Variants in STAT5B observed in about 807,000 individuals in gnomAD.
The protein encoded by STAT5B is transcription factor STAT5B.
A neutral mutation model predicts 107.8 loss-of-function variants in STAT5B; 21 were observed. That is an observed-to-expected ratio of 0.19 (90% CI 0.14 to 0.28). The LOEUF is 0.28. Among genes scored for constraint, STAT5B ranks in the 10% least tolerant of loss-of-function variants. The pLI, the probability that STAT5B is intolerant of heterozygous loss-of-function variation, is 1.00. For synonymous variants in STAT5B, 325 were observed against 401.7 expected, an observed-to-expected ratio of 0.81 and a Z score of 2.28; for missense variants, 565 against 1,008.2, an observed-to-expected ratio of 0.56 and a Z score of 5.95.
At position 42,241,631 on chromosome 17, in the gene STAT5B, C is replaced by T. The variant is rs1247290367; in HGVS notation, c.-10-9494G>A. The stretch of plus-strand genomic sequence containing the variant: ...CTAATTTTTGGATTTTTAGTAGAGG[C>T]AGGGTTTTACCATGTTGGCCAGGCT... On this transcript the variant is annotated intron_variant, in intron 1 of 18. Coordinates refer to ENST00000293328, the MANE Select transcript of STAT5B (RefSeq NM_012448.4). 2.6e-5 allele frequency among the ~76,000 whole-genome samples: 4 copies of T among 151,884 alleles called. No homozygotes were observed. In the East Asian group the frequency reaches 7.8e-4, roughly 30 times the overall value.
At chr17:42,248,275 A>AT (rs983923623) in intron 1 of STAT5B, among the ~76,000 whole-genome samples, 1 of 138,666 alleles carries the variant, frequency 7.2e-6, no homozygotes, top group African/African-American at 3.0e-5. Flanking sequence ...ATCTTGTCCA[A>AT]AAAAAAAAAA....
At chr17:42,202,854 A>G in intron 16 of STAT5B, 46 bp from the exon 17 acceptor site, 1 of 1,611,080 alleles carries the variant, frequency 6.2e-7, no homozygotes, top group Non-Finnish European at 8.5e-7. Flanking sequence ...AAGTGAAACA[A>G]AAATGTGATC....
intron 1 of STAT5B, among the ~76,000 whole-genome samples, chr17:42,267,484 T>C (rs539443288): frequency 4.2e-4 from 64 of 152,316 alleles, no homozygotes; most frequent in African/African-American, 1.5e-3. Flanking sequence ...TGCCTTCACT[T>C]TTAAGAAAAA....
rs2080132670 is a variant in STAT5B, at chr17:42,211,904, G to T, written c.1680+80C>A. Reference sequence around the variant, plus strand: ...ATTTTATTAGAGACATGAAGAATAAGGGCCCAGGGCAGGGAGACTCCTGAG... The same window carrying T: ...ATTTTATTAGAGACATGAAGAATAATGGCCCAGGGCAGGGAGACTCCTGAG... On this transcript the variant is annotated intron_variant, in intron 13 of 18. Transcript: ENST00000293328. 4 of 1,545,242 alleles carry T rather than the reference G, an allele frequency of 2.6e-6. No individual in the cohort carries two copies. The African/African-American group carries it at 4.1e-5, about 16-fold the overall frequency.
chr17:42,236,509 T>A (rs143480424), intron 1 of STAT5B, among the ~76,000 whole-genome samples: 250 of 152,336 alleles, frequency 1.6e-3, no homozygotes, highest in African/African-American at 5.6e-3. Context: ...TGGCATGATC[T>A]CGGCTCACTG....
At chr17:42,259,816 T>C (rs1212499358) in intron 1 of STAT5B, among the ~76,000 whole-genome samples, 1 of 152,098 alleles carries the variant, frequency 6.6e-6, no homozygotes, top group Non-Finnish European at 1.5e-5. Flanking sequence ...TTTTATTTCC[T>C]ACAGAGCAGT....
chr17:42,226,961 C>A (rs1458966561), intron 3 of STAT5B, among the ~76,000 whole-genome samples: 2 of 145,496 alleles, frequency 1.4e-5, no homozygotes, highest in Admixed American at 7.0e-5. Context: ...CCCGTCTCCA[C>A]TAAAAATACC....
At chr17:42,259,197 T>A (rs1201381133) in intron 1 of STAT5B, among the ~76,000 whole-genome samples, 1 of 152,182 alleles carries the variant, frequency 6.6e-6, no homozygotes, top group Non-Finnish European at 1.5e-5. Context: ...AGATGGGATC[T>A]CACTATGTTG....
rs534612098 is a variant in STAT5B, at chr17:42,226,296, C to T, written c.285+1233G>A. On this transcript the variant is annotated intron_variant, in intron 3 of 18. Coordinates refer to ENST00000293328, the MANE Select transcript of STAT5B (RefSeq NM_012448.4). ...ACAAAGTAAGGTTGCAAAATGGTTC[C>T]AGATTAAAGGAGATTAAAGAGACAT... 5.8e-4 allele frequency among the ~76,000 whole-genome samples: 88 copies of T among 152,080 alleles called. 3 individuals are homozygous for T. The South Asian group carries it at 0.016, about 27-fold the overall frequency.
At chr17:42,233,014 G>A (rs879481790) in intron 1 of STAT5B, among the ~76,000 whole-genome samples, 26 of 151,582 alleles carry the variant, frequency 1.7e-4, no homozygotes, top group Admixed American at 9.9e-4. Context: ...GCTAATTTTT[G>A]TATTTTCAGT....
intron 2 of STAT5B, among the ~76,000 whole-genome samples, chr17:42,228,777 A>G (rs1329634919): frequency 6.6e-6 from 1 of 152,052 alleles, no homozygotes; most frequent in Non-Finnish European, 1.5e-5. Flanking sequence ...ACTAAAACAC[A>G]AAAGAAATTA....
intron 1 of STAT5B, chr17:42,272,184 G>A (rs2080726730): frequency 6.6e-6 from 1 of 152,190 alleles, no homozygotes; most frequent in African/African-American, 2.4e-5. Flanking sequence ...GGAGAGTAAA[G>A]GAAGAGTTTT....
chr17:42,202,953 TTTGTTTTTTG>T (rs2080057529), intron 16 of STAT5B, 145 bp from the exon 17 acceptor site: 2 of 1,150,798 alleles, frequency 1.7e-6, no homozygotes, highest in Non-Finnish European at 2.6e-6. Flanking sequence ...ATTTTTTTGT[TTTGTTTTTTG>T]AAACAGTCTC....
chr17:42,273,916 T>A (rs1292267515), intron 1 of STAT5B, among the ~76,000 whole-genome samples: 1 of 152,112 alleles, frequency 6.6e-6, no homozygotes, highest in Admixed American at 6.6e-5. Context: ...CTTTTACATA[T>A]GTAAATGACA....
chr17:42,228,519 A>G (rs1347964301), intron 2 of STAT5B, among the ~76,000 whole-genome samples: 1 of 152,232 alleles, frequency 6.6e-6, no homozygotes, highest in African/African-American at 2.4e-5. Context: ...AATAACATTC[A>G]ATAACTGCTG....
chr17:42,249,837 T>C (rs1317983074), intron 1 of STAT5B, among the ~76,000 whole-genome samples: 2 of 152,076 alleles, frequency 1.3e-5, no homozygotes, highest in Non-Finnish European at 2.9e-5. Flanking sequence ...ATTTTTTGTA[T>C]TTTTAGTAGA....
Position 42,201,668 on chromosome 17 carries a change from G to T in STAT5B, c.*70C>A. On this transcript the variant is annotated 3_prime_UTR_variant, in exon 19 of 19. Coordinates refer to ENST00000293328, the MANE Select transcript of STAT5B (RefSeq NM_012448.4). ...TGTTTCAAAAGAGAAGCGATTCATG[G>T]AATTAAAACATCCACAAGAGTGATT... 1 of 1,020,816 alleles carries T rather than the reference G, an allele frequency of 9.8e-7. No homozygotes were observed. 63.2% of individuals were successfully genotyped at this position (1,020,816 alleles called of 1,614,324 possible).
rs769973526 is a variant in STAT5B at position 42,218,889 on chromosome 17, G to A, written c.834-11C>T. The A allele has an allele frequency of 6.2e-7, 1 of 1,613,806 alleles. No homozygotes were observed. The highest frequency in any genetic ancestry group is 1.1e-5 in the South Asian group (1 of 91,066). On this transcript the variant is annotated splice_polypyrimidine_tract_variant and intron_variant, in intron 7 of 18. Transcript: ENST00000293328. ...GCCAACTTCTCACACCTGCACGAGAGCCCCAAGGCCAACAGGAGGACAATG... is the reference window on the plus strand; with the variant it reads ...GCCAACTTCTCACACCTGCACGAGAACCCCAAGGCCAACAGGAGGACAATG...
upstream of STAT5B, among the ~76,000 whole-genome samples, chr17:42,281,248 G>A (rs2080794766): frequency 6.6e-6 from 1 of 152,156 alleles, no homozygotes; most frequent in East Asian, 1.9e-4. Flanking sequence ...TAGTTAGGGG[G>A]TAGAGTGTAA....
Sources: gnomAD v4.1 joint callset for allele counts (sites outside exome capture counted in the v4.1 genomes callset) on GRCh38, gnomAD v4.1.1 for gene constraint, MANE v1.5 for transcripts, NCBI Gene and HGNC (gene_info 2026-07-23, HGNC 2026-07-21) for gene names.